MPDZ: variants seen among roughly 807,000 people sequenced by gnomAD.
MPDZ encodes the protein multiple PDZ domain protein.
MPDZ carries 234 observed loss-of-function variants against 239.1 expected under a neutral mutation model. The ratio of observed to expected loss-of-function variants is 0.98; its 90% CI spans 0.88 to 1.09. The LOEUF (loss-of-function observed/expected upper bound fraction) is 1.09, where lower values mean the gene tolerates loss of function less well. MPDZ is among the 50% of genes least tolerant of loss of function. The pLI is 0.00. For missense variants in MPDZ, 3,175 were observed against 2,510.0 expected (o/e 1.26, Z -5.66); for synonymous variants, 1,048 against 881.3 (o/e 1.19, Z -3.35).
At chr9:13,199,952 G>A (rs1255864118) in intron 12 of MPDZ, among the ~76,000 whole-genome samples, 1 of 151,946 alleles carries the variant, frequency 6.6e-6, no homozygotes, top group African/African-American at 2.4e-5. Flanking sequence ...TTAGAATCAG[G>A]GCAAGGCTGG....
In MPDZ at chr9:13,125,392, T is replaced by C; in HGVS notation, c.4633-2A>G. The C allele has an allele frequency of 6.2e-7, 1 of 1,612,974 alleles. No homozygotes were observed. Among genetic ancestry groups the C allele is most frequent in the African/African-American group, 1.3e-5 (1 of 75,034 alleles). The stretch of plus-strand genomic sequence containing the variant: ...TGCTGTCTTCAGAAGGCTAATAAAC[T>C]GGCAGGGTGTATGTGTGGAAGAGAA... On this transcript the variant is annotated splice_acceptor_variant, in intron 34 of 46. Transcript: ENST00000319217. LOFTEE classifies it high-confidence loss of function.
At chr9:13,264,704 A>G (rs1192754900) in intron 1 of MPDZ, among the ~76,000 whole-genome samples, 1 of 151,724 alleles carries the variant, frequency 6.6e-6, no homozygotes, top group East Asian at 1.9e-4. Flanking sequence ...GGAACTATGG[A>G]TTCTAACACC....
At chr9:13,171,869 A>C (rs1951823788) in intron 21 of MPDZ, among the ~76,000 whole-genome samples, 1 of 152,140 alleles carries the variant, frequency 6.6e-6, no homozygotes, top group African/African-American at 2.4e-5. Flanking sequence ...GATTAAGGGG[A>C]GACTATGAAT....
rs1946672243 is a variant in MPDZ at position 13,135,933 on chromosome 9, G to A, written c.4383+159C>T. ...ACATAAGTGGTATGCTTATTTCCAT[G>A]AGTGTCTTCTTATACTAGGATGTAC... On this transcript the variant is annotated intron_variant, in intron 31 of 46. Coordinates refer to ENST00000319217, the MANE Select transcript of MPDZ (RefSeq NM_001378778.1). 9.4e-6 allele frequency: 5 copies of A among 531,028 alleles called. No homozygotes were observed. The East Asian group carries it at 1.2e-4, about 13-fold the overall frequency. 32.9% of individuals were successfully genotyped at this position (531,028 alleles called of 1,614,324 possible).
chr9:13,232,520 T>C (rs1303154299), intron 3 of MPDZ, among the ~76,000 whole-genome samples: 1 of 152,008 alleles, frequency 6.6e-6, no homozygotes, highest in Non-Finnish European at 1.5e-5. Context: ...ACTTTATTTC[T>C]ACCTCACACC....
At chr9:13,224,257 G>T in intron 4 of MPDZ, 117 bp downstream of exon 4, 1 of 985,498 alleles carries the variant, frequency 1.0e-6, no homozygotes, top group Non-Finnish European at 1.5e-6. Context: ...CTGACTTTTT[G>T]TTCCAATGTT....
chr9:13,218,213 G>T (rs1461639520), intron 8 of MPDZ, among the ~76,000 whole-genome samples: 1 of 151,752 alleles, frequency 6.6e-6, no homozygotes, highest in Non-Finnish European at 1.5e-5. Context: ...ATAATTATCT[G>T]TGCAAACTTA....
intron 10 of MPDZ, among the ~76,000 whole-genome samples, chr9:13,210,860 C>T (rs1218612338): frequency 6.6e-6 from 1 of 152,088 alleles, no homozygotes; most frequent in African/African-American, 2.4e-5. Flanking sequence ...TCCAAGAGCC[C>T]AAGAAGAAAC....
intron 8 of MPDZ, 112 bp downstream of exon 8, chr9:13,219,447 T>G: frequency 1.1e-6 from 1 of 886,508 alleles, no homozygotes; most frequent in Non-Finnish European, 1.7e-6. Flanking sequence ...TTCATTCCAT[T>G]CTTTAGCACT....
Position 13,190,302 on chromosome 9 carries a change from G to C in MPDZ, c.1969-3C>G, listed in dbSNP as rs1360455024. 1.3e-6 allele frequency: 2 copies of C among 1,548,528 alleles called. No homozygotes were observed. Among genetic ancestry groups the C allele is most frequent in the Non-Finnish European group, 8.7e-7 (1 of 1,148,912 alleles). ...AACTCACCTAGATCTACGTGAGGCT[G>C]GATAATATCAGACAGCTCTTATTTC... On this transcript the variant is annotated splice_polypyrimidine_tract_variant and splice_region_variant and intron_variant, in intron 15 of 46. Coordinates refer to ENST00000319217, the MANE Select transcript of MPDZ (RefSeq NM_001378778.1).
At chr9:13,218,921 C>A (rs1263634169) in intron 8 of MPDZ, among the ~76,000 whole-genome samples, 1 of 151,746 alleles carries the variant, frequency 6.6e-6, no homozygotes, top group East Asian at 1.9e-4. Flanking sequence ...ATCAAGTTGA[C>A]AAGGATGGAA....
At chr9:13,245,082 G>T (rs950280195) in intron 3 of MPDZ, among the ~76,000 whole-genome samples, 2 of 151,986 alleles carry the variant, frequency 1.3e-5, no homozygotes, top group African/African-American at 2.4e-5. Context: ...GATTTGTGTA[G>T]CCACTGGTTT....
intron 21 of MPDZ, among the ~76,000 whole-genome samples, chr9:13,171,385 T>C (rs1951758209): frequency 6.6e-6 from 1 of 152,144 alleles, no homozygotes; most frequent in African/African-American, 2.4e-5. Context: ...CTGAATGTAT[T>C]GTACGGTCTA....
intron 35 of MPDZ, among the ~76,000 whole-genome samples, chr9:13,123,659 C>T (rs576451500): frequency 9.2e-5 from 14 of 152,216 alleles, no homozygotes; most frequent in African/African-American, 3.4e-4. Flanking sequence ...TCAATGGAGG[C>T]AAACACATTT....
At chr9:13,203,728 C>CCCCACACA (rs976187994) in intron 12 of MPDZ, among the ~76,000 whole-genome samples, 10 of 140,560 alleles carry the variant, frequency 7.1e-5, no homozygotes, top group African/African-American at 2.4e-4. Context: ...ATGTATCCTG[C>CCCCACACA]CACACACACA....
intron 28 of MPDZ, among the ~76,000 whole-genome samples, chr9:13,139,683 T>C (rs1003723167): frequency 6.6e-5 from 10 of 152,174 alleles, no homozygotes; most frequent in African/African-American, 2.4e-4. Flanking sequence ...GGTGGTGACT[T>C]GTTTGAGACA....
intron 32 of MPDZ, among the ~76,000 whole-genome samples, chr9:13,131,082 T>C (rs1034588792): frequency 7.2e-5 from 11 of 152,218 alleles, no homozygotes; most frequent in Admixed American, 2.0e-4. Context: ...GTCAAATAAC[T>C]ATAATTTAAA....
chr9:13,125,424 T>C (rs771687214), intron 34 of MPDZ, 34 bp from the exon 35 acceptor site: 1 of 1,586,778 alleles, frequency 6.3e-7, no homozygotes, highest in African/African-American at 1.3e-5. Context: ...AGAAACAAAA[T>C]TCAAAGCTGA....
intron 46 of MPDZ, among the ~76,000 whole-genome samples, chr9:13,107,890 A>G (rs1941748991): frequency 6.6e-6 from 1 of 152,222 alleles, no homozygotes. Flanking sequence ...TCTAACTAGC[A>G]TGCCTTAAAT....
Sources: allele counts gnomAD v4.1 joint callset (sites outside exome capture counted in the v4.1 genomes callset), GRCh38; gene constraint gnomAD v4.1.1; transcripts MANE v1.5; gene names NCBI Gene and HGNC (gene_info 2026-07-23, HGNC 2026-07-21).